AGAP1: variants seen among roughly 807,000 people sequenced by gnomAD.
AGAP1 encodes the protein ArfGAP with GTPase domain, ankyrin repeat and PH domain 1, also known as arf-GAP with GTPase, ANK repeat and PH domain-containing protein 1.
AGAP1 carries 29 observed loss-of-function variants against 105.3 expected under a neutral mutation model. That is an observed-to-expected ratio of 0.28 (90% confidence interval 0.21 to 0.38). AGAP1 has a LOEUF of 0.38. AGAP1 is among the 10% of genes least tolerant of loss of function. AGAP1 has a pLI of 1.00. For synonymous variants in AGAP1, 509 were observed against 485.9 expected (o/e 1.05, Z -0.63); for missense variants, 998 against 1,165.1 (o/e 0.86, Z 2.09).
At chr2:235,997,234 C>A (rs1474819387) in intron 13 of AGAP1, among the ~76,000 whole-genome samples, 1 of 152,132 alleles carries the variant, frequency 6.6e-6, no homozygotes. Context: ...GGATTACAGG[C>A]GTGCACCACC....
At chr2:236,081,937 A>G (rs1266285582) in intron 16 of AGAP1, among the ~76,000 whole-genome samples, 1 of 152,050 alleles carries the variant, frequency 6.6e-6, no homozygotes, top group Non-Finnish European at 1.5e-5. Context: ...AGAAAGGGGG[A>G]TGGAACCCTA....
chr2:235,514,708 G>A (rs1942307342), intron 1 of AGAP1, among the ~76,000 whole-genome samples: 1 of 152,254 alleles, frequency 6.6e-6, no homozygotes, highest in Non-Finnish European at 1.5e-5. Context: ...GCACTTTGCT[G>A]TGACGTGGGC....
At chr2:235,528,053 T>C (rs1221294771) in intron 1 of AGAP1, among the ~76,000 whole-genome samples, 1 of 152,242 alleles carries the variant, frequency 6.6e-6, no homozygotes, top group Non-Finnish European at 1.5e-5. Flanking sequence ...GATATTTTCA[T>C]GATAACCTCA....
intron 1 of AGAP1, among the ~76,000 whole-genome samples, chr2:235,604,606 G>A (rs1387694684): frequency 2.6e-5 from 2 of 77,982 alleles, no homozygotes; most frequent in African/African-American, 9.2e-5. Context: ...TTTTTGAGAT[G>A]GAGTCTCGCT....
rs192580636 is a variant in AGAP1 at position 235,550,486 on chromosome 2, A to C, written c.163+55637A>C. On this transcript the variant is annotated intron_variant, in intron 1 of 17. Coordinates refer to ENST00000304032, the MANE Select transcript of AGAP1 (RefSeq NM_001037131.3). This position sits in a 1 kb window ranked among gnomAD's most constrained non-coding sequence, Gnocchi z 4.6. Reference sequence around the variant, plus strand: ...CTCAAATGCCATTCACAGCAGTGTCAGTGCCTGCCCAGAGTGTGCTAGAAT... The same window carrying C: ...CTCAAATGCCATTCACAGCAGTGTCCGTGCCTGCCCAGAGTGTGCTAGAAT... 2.6e-5 allele frequency among the ~76,000 whole-genome samples: 4 copies of C among 152,296 alleles called. No homozygotes were observed. In the East Asian group the frequency reaches 7.7e-4, roughly 29 times the overall value.
intron 9 of AGAP1, among the ~76,000 whole-genome samples, chr2:235,849,358 C>T (rs192080670): frequency 6.6e-6 from 1 of 152,302 alleles, no homozygotes; most frequent in East Asian, 1.9e-4. Context: ...CTATAATTAA[C>T]TGGTTTTTTT....
chr2:235,752,090 G>A lies in AGAP1; in HGVS notation c.673+1602G>A, dbSNP rs569436555. 3.9e-5 allele frequency among the ~76,000 whole-genome samples: 6 copies of A among 152,304 alleles called. No homozygotes were observed. Among genetic ancestry groups the A allele is most frequent in the South Asian group, 2.1e-4 (1 of 4,820 alleles). On this transcript the variant is annotated intron_variant, in intron 6 of 17. Coordinates refer to ENST00000304032, the MANE Select transcript of AGAP1 (RefSeq NM_001037131.3). This position sits in a 1 kb window ranked among gnomAD's most constrained non-coding sequence, Gnocchi z 4.3. ...GGTCACTGTCGGCCGCTGCGCTGCCGAGGCCCCTGTGAATGTTGAAGTAAA... is the reference window on the plus strand; with the variant it reads ...GGTCACTGTCGGCCGCTGCGCTGCCAAGGCCCCTGTGAATGTTGAAGTAAA...
intron 16 of AGAP1, among the ~76,000 whole-genome samples, chr2:236,112,415 CG>C (rs66477731): frequency 0.084 from 12,331 of 146,282 alleles, 692 homozygotes; most frequent in Middle Eastern, 0.18. Flanking sequence ...CATTCCATCT[CG>C]AAAAAAAAAA....
In AGAP1 at chr2:235,662,420, G is replaced by A. The variant is rs762581753; in HGVS notation, c.164-46759G>A. On this transcript the variant is annotated intron_variant, in intron 1 of 17. Coordinates refer to ENST00000304032, the MANE Select transcript of AGAP1 (RefSeq NM_001037131.3). This position sits in a 1 kb window ranked among gnomAD's most constrained non-coding sequence, Gnocchi z 4.2. ...GACAGAGTGCGTCCATGGAGGGGAG[G>A]ACTCACAGCAGTTTTGAAGTAATGT... is the stretch of plus-strand genomic sequence containing the variant. Among the ~76,000 whole-genome samples, 5 of 152,136 alleles carry A rather than the reference G, an allele frequency of 3.3e-5. No homozygotes were observed. The highest frequency in any genetic ancestry group is 4.4e-5 in the Non-Finnish European group (3 of 68,024).
chr2:235,994,848 C>T lies in AGAP1; in HGVS notation c.1645+26225C>T, dbSNP rs1265128254. ...TTGGGAGGCCGAGGCGGGCGGATCACGAGGTCAGGAGTTTGAGACCAGCCT... is the reference window on the plus strand; with the variant it reads ...TTGGGAGGCCGAGGCGGGCGGATCATGAGGTCAGGAGTTTGAGACCAGCCT... On this transcript the variant is annotated intron_variant, in intron 13 of 17. Coordinates refer to ENST00000304032, the MANE Select transcript of AGAP1 (RefSeq NM_001037131.3). This position sits in a 1 kb window ranked among gnomAD's most constrained non-coding sequence, Gnocchi z 4.4. 2.7e-5 allele frequency among the ~76,000 whole-genome samples: 4 copies of T among 150,366 alleles called. No homozygotes were observed. Among genetic ancestry groups the T allele is most frequent in the African/African-American group, 4.9e-5 (2 of 40,914 alleles).
intron 1 of AGAP1, among the ~76,000 whole-genome samples, chr2:235,638,540 G>A (rs1160175182): frequency 6.6e-6 from 1 of 152,118 alleles, no homozygotes; most frequent in African/African-American, 2.4e-5. Context: ...TAAAATAGTA[G>A]GTCACATATA....
rs1363225269 is a variant in AGAP1, at chr2:236,051,587, A to G, written c.2114+2306A>G. On this transcript the variant is annotated intron_variant, in intron 16 of 17. Coordinates refer to ENST00000304032, the MANE Select transcript of AGAP1 (RefSeq NM_001037131.3). This position sits in a 1 kb window ranked among gnomAD's most constrained non-coding sequence, Gnocchi z 5.9. ...GGGAGGTGTGCCTGTCGGCGAGTAC[A>G]GCACCGTGGACGGGAGCCTCCCATG... Among the ~76,000 whole-genome samples, 1 of 152,156 alleles carries G rather than the reference A, an allele frequency of 6.6e-6. No homozygotes were observed. The highest frequency in any genetic ancestry group is 1.9e-4 in the East Asian group (1 of 5,176).
In AGAP1 at chr2:235,569,527, T is replaced by G. The variant is rs763554911; in HGVS notation, c.163+74678T>G. On this transcript the variant is annotated intron_variant, in intron 1 of 17. Transcript: ENST00000304032. The surrounding 1 kb of genome is among the most constrained non-coding windows in gnomAD (Gnocchi z 5.9). ...AAAATGGAAAGCAAACCTGGCCTCT[T>G]GTACCTCTGAGCCCCGAATTCTGCC... Among the ~76,000 whole-genome samples, 1 of 152,178 alleles carries G rather than the reference T, an allele frequency of 6.6e-6. No homozygotes were observed. The highest frequency in any genetic ancestry group is 1.5e-5 in the Non-Finnish European group (1 of 68,036).
chr2:235,822,465 T>A lies in AGAP1; in HGVS notation c.1050+15134T>A, dbSNP rs538121424. Among the ~76,000 whole-genome samples, 28 of 150,828 alleles carry A rather than the reference T, an allele frequency of 1.9e-4. No individual in the cohort carries two copies. In the South Asian group the frequency reaches 5.5e-3, roughly 30 times the overall value. On this transcript the variant is annotated intron_variant, in intron 9 of 17. Coordinates refer to ENST00000304032, the MANE Select transcript of AGAP1 (RefSeq NM_001037131.3). ...AAGGGTGAGGAAGAGCTGGAGAAGC[T>A]CAAGGGTGAGGAAGAGCTGGAGAAG...
intron 1 of AGAP1, among the ~76,000 whole-genome samples, chr2:235,605,836 C>A (rs560891550): frequency 6.6e-6 from 1 of 152,198 alleles, no homozygotes; most frequent in Non-Finnish European, 1.5e-5. Context: ...ACGCGGTGTA[C>A]GCCCTGTGTT....
intron 1 of AGAP1, among the ~76,000 whole-genome samples, chr2:235,603,616 A>G (rs766372740): frequency 1.3e-5 from 2 of 152,230 alleles, no homozygotes; most frequent in Non-Finnish European, 1.5e-5. Context: ...AGGAAATGCA[A>G]TTCTTTAGTT....
chr2:235,511,916 GTGTGTGAA>G (rs767349266), intron 1 of AGAP1, among the ~76,000 whole-genome samples: 150 of 151,728 alleles, frequency 9.9e-4, no homozygotes, highest in Middle Eastern at 3.4e-3. Flanking sequence ...GTATGTGGAT[GTGTGTGAA>G]TGTGTGAATG....
rs1040679798 is a variant in AGAP1, at chr2:236,078,216, G to A, written c.2114+28935G>A. ...TGTCACATCTGAAGTGTGTAGTGCAGGCCGGCGTTCTGGAAACTCGGGCAG... is the reference window on the plus strand; with the variant it reads ...TGTCACATCTGAAGTGTGTAGTGCAAGCCGGCGTTCTGGAAACTCGGGCAG... On this transcript the variant is annotated intron_variant, in intron 16 of 17. Transcript: ENST00000304032. This position sits in a 1 kb window ranked among gnomAD's most constrained non-coding sequence, Gnocchi z 5.3. 1.3e-5 allele frequency among the ~76,000 whole-genome samples: 2 copies of A among 151,954 alleles called. No individual in the cohort carries two copies. Among genetic ancestry groups the A allele is most frequent in the African/African-American group, 4.8e-5 (2 of 41,370 alleles).
Position 235,744,666 on chromosome 2 carries a change from C to T in AGAP1, c.397-32C>T, listed in dbSNP as rs751552809. 7.4e-6 allele frequency: 12 copies of T among 1,613,408 alleles called. No homozygotes were observed. The highest frequency in any genetic ancestry group is 1.0e-5 in the Non-Finnish European group (12 of 1,179,680). On this transcript the variant is annotated intron_variant, in intron 4 of 17. Coordinates refer to ENST00000304032, the MANE Select transcript of AGAP1 (RefSeq NM_001037131.3). This position sits in a 1 kb window ranked among gnomAD's most constrained non-coding sequence, Gnocchi z 5.2. ...TTCTTAATCAAGCCTGCTCACTCAG[C>T]TCCTGCTCTCCTCCCCTTCTTCTCT...
Sources: allele counts gnomAD v4.1 joint callset (sites outside exome capture counted in the v4.1 genomes callset), GRCh38; gene constraint gnomAD v4.1.1; non-coding constraint Gnocchi (gnomAD v3.1); transcripts MANE v1.5; gene names NCBI Gene and HGNC (gene_info 2026-07-23, HGNC 2026-07-21).